DRC5: variants seen among roughly 807,000 people sequenced by gnomAD.
The protein encoded by DRC5 is dynein regulatory complex subunit 5.
the DRC5 span, chr6:44,288,051 T>G: frequency 6.3e-6 from 3 of 475,348 alleles, no homozygotes; most frequent in Non-Finnish European, 1.1e-5. Flanking sequence ...CTGTGTGGCC[T>G]TGGGCAAGTT....
the DRC5 span, chr6:44,282,606 C>T: frequency 6.6e-7 from 1 of 1,511,440 alleles, no homozygotes; most frequent in African/African-American, 1.4e-5. Flanking sequence ...CAGGGATAAT[C>T]AGCCTGCCCA....
At chr6:44,280,521 C>A in the DRC5 span, 8 of 665,528 alleles carry the variant, frequency 1.2e-5, no homozygotes, top group Non-Finnish European at 2.1e-5. Context: ...ATTTGTGACG[C>A]ATGATGACAT....
the DRC5 span, among the ~76,000 whole-genome samples, chr6:44,294,412 G>T: frequency 6.6e-6 from 1 of 152,122 alleles, no homozygotes; most frequent in African/African-American, 2.4e-5. Context: ...CCACACCTTA[G>T]TGTGAATGAG....
At chr6:44,291,512 TG>T in the DRC5 span, among the ~76,000 whole-genome samples, 2 of 152,202 alleles carry the variant, frequency 1.3e-5, no homozygotes, top group East Asian at 3.9e-4. Flanking sequence ...CCCCTGCCCT[TG>T]GGGGACACCC....
At chr6:44,282,210 C>A in the DRC5 span, 1 of 1,614,162 alleles carries the variant, frequency 6.2e-7, no homozygotes, top group Non-Finnish European at 8.5e-7. Context: ...CAGCTCATTG[C>A]CACCGAGGTG....
At chr6:44,287,645 T>C in the DRC5 span, 1 of 1,614,136 alleles carries the variant, frequency 6.2e-7, no homozygotes, top group Non-Finnish European at 8.5e-7. Flanking sequence ...ATCCGGCGCA[T>C]CCGACGGATA....
chr6:44,295,234 G>A, the DRC5 span, among the ~76,000 whole-genome samples: 1 of 152,290 alleles, frequency 6.6e-6, no homozygotes, highest in South Asian at 2.1e-4. Flanking sequence ...ACCAGGAGTG[G>A]GTACGTCTTG....
chr6:44,284,303 C>T, the DRC5 span, among the ~76,000 whole-genome samples: 1 of 152,204 alleles, frequency 6.6e-6, no homozygotes, highest in East Asian at 1.9e-4. Flanking sequence ...CTCTGTGACA[C>T]AATGCCATGT....
At chr6:44,292,067 C>T in the DRC5 span, among the ~76,000 whole-genome samples, 1 of 152,234 alleles carries the variant, frequency 6.6e-6, no homozygotes, top group African/African-American at 2.4e-5. Flanking sequence ...GGTTCTCTCA[C>T]ATCTAGCCTT....
the DRC5 span, among the ~76,000 whole-genome samples, chr6:44,289,000 A>AAAAAAAAG: frequency 7.3e-6 from 1 of 136,512 alleles, no homozygotes; most frequent in Non-Finnish European, 1.5e-5. Flanking sequence ...TCTCAAAAAA[A>AAAAAAAAG]AAAAAAAAAA....
chr6:44,285,961 T>C, the DRC5 span: 13 of 1,611,352 alleles, frequency 8.1e-6, no homozygotes, highest in South Asian at 1.2e-4. Context: ...GAGCAGACAG[T>C]ACCTTGAGGG....
At chr6:44,280,523 T>C in the DRC5 span, 1 of 666,190 alleles carries the variant, frequency 1.5e-6, no homozygotes, top group Admixed American at 3.0e-5. Flanking sequence ...TTGTGACGCA[T>C]GATGACATAT....
At chr6:44,283,429 G>A in the DRC5 span, among the ~76,000 whole-genome samples, 2 of 152,170 alleles carry the variant, frequency 1.3e-5, no homozygotes, top group African/African-American at 4.8e-5. Context: ...GATGGGGCTG[G>A]CAGTATGAAT....
chr6:44,287,469 G>A, the DRC5 span: 1 of 1,433,984 alleles, frequency 7.0e-7, no homozygotes, highest in Non-Finnish European at 9.5e-7. Flanking sequence ...AGCTTCTGCA[G>A]TCTTGGCTCC....
the DRC5 span, among the ~76,000 whole-genome samples, chr6:44,292,261 A>G: frequency 6.6e-6 from 1 of 152,150 alleles, no homozygotes; most frequent in Non-Finnish European, 1.5e-5. Context: ...CCCTTGCTCA[A>G]GTTGTTCCCT....
chr6:44,287,718 C>A, the DRC5 span: 27 of 1,614,188 alleles, frequency 1.7e-5, no homozygotes, highest in East Asian at 5.3e-4. Flanking sequence ...GCTTTGAGAG[C>A]TGTGGGCTTG....
chr6:44,286,377 C>T, the DRC5 span: 615 of 1,614,078 alleles, frequency 3.8e-4, 1 homozygote, highest in African/African-American at 7.0e-3. Context: ...CCATGGTGGG[C>T]CACGTGGCAC....
the DRC5 span, among the ~76,000 whole-genome samples, chr6:44,283,185 A>G: frequency 6.6e-6 from 1 of 152,112 alleles, no homozygotes; most frequent in Non-Finnish European, 1.5e-5. Context: ...CAGACAGAAA[A>G]TGGAGGCTTA....
the DRC5 span, chr6:44,287,059 T>C: frequency 3.0e-6 from 1 of 330,418 alleles, no homozygotes; most frequent in Non-Finnish European, 4.3e-6. Flanking sequence ...TGGGTGATGA[T>C]AGTTGCTGTA....
Sources: allele counts gnomAD v4.1 joint callset (sites outside exome capture counted in the v4.1 genomes callset), GRCh38; gene constraint gnomAD v4.1.1; transcripts MANE v1.5; gene names NCBI Gene and HGNC (gene_info 2026-07-23, HGNC 2026-07-21).